PDS5A: variants seen among roughly 807,000 people sequenced by gnomAD.
PDS5A encodes the protein sister chromatid cohesion protein PDS5 homolog A.
Under a neutral mutation model 167.1 loss-of-function variants are expected in PDS5A, and 42 were observed. The observed-to-expected ratio is 0.25, with a 90% confidence interval of 0.20 to 0.33. The LOEUF is 0.33. PDS5A is among the 10% of genes least tolerant of loss of function. The pLI is 1.00. For synonymous variants in PDS5A, 553 were observed against 554.6 expected, an observed-to-expected ratio of 1.00 and a Z score of 0.04; for missense variants, 1,033 against 1,605.9, an observed-to-expected ratio of 0.64 and a Z score of 6.10.
rs910686598 is a variant in PDS5A at position 39,902,333 on chromosome 4, G to C, written c.1499+14C>G. 7.7e-6 allele frequency: 9 copies of C among 1,173,550 alleles called. No homozygotes were observed. Among genetic ancestry groups the C allele is most frequent in the Non-Finnish European group, 1.1e-5 (9 of 802,008 alleles). 72.7% of individuals were successfully genotyped at this position (1,173,550 alleles called of 1,614,324 possible). Reference sequence around the variant, plus strand: ...TCCTTAGAAAATACAGCAGTTATTTGAAAAGTAACTTACTTTACAGCATTT... The same window carrying C: ...TCCTTAGAAAATACAGCAGTTATTTCAAAAGTAACTTACTTTACAGCATTT... On this transcript the variant is annotated intron_variant, in intron 13 of 32. Coordinates refer to ENST00000303538, the MANE Select transcript of PDS5A (RefSeq NM_001100399.2).
At chr4:39,841,854 T>C in intron 31 of PDS5A, 94 bp downstream of exon 31, 2 of 677,442 alleles carry the variant, frequency 3.0e-6, no homozygotes, top group Non-Finnish European at 5.3e-6. Flanking sequence ...ATGTAGCATG[T>C]GCATTGAAGT....
At chr4:39,895,804 G>A (rs1005283324) in intron 16 of PDS5A, among the ~76,000 whole-genome samples, 3 of 151,382 alleles carry the variant, frequency 2.0e-5, no homozygotes, top group Non-Finnish European at 4.4e-5. Flanking sequence ...TACAAGCTCC[G>A]CCTCCCAGGT....
At chr4:39,910,198 T>C (rs374441976) in intron 10 of PDS5A, 46 bp downstream of exon 10, 13 of 949,062 alleles carry the variant, frequency 1.4e-5, no homozygotes, top group Non-Finnish European at 2.0e-5. Context: ...ATCTACAATA[T>C]AGTTGTATGG....
intron 2 of PDS5A, 100 bp downstream of exon 2, chr4:39,976,340 T>TA (rs1731078547): frequency 1.0e-6 from 1 of 973,880 alleles, no homozygotes; most frequent in Admixed American, 2.2e-5. Flanking sequence ...GTAAGAGATC[T>TA]AAAAAACTTG....
intron 2 of PDS5A, among the ~76,000 whole-genome samples, chr4:39,968,264 TA>T (rs1383861179): frequency 6.6e-6 from 1 of 151,802 alleles, no homozygotes; most frequent in Non-Finnish European, 1.5e-5. Flanking sequence ...CCTATAAGTG[TA>T]TTTTAAATGT....
chr4:39,885,262 A>AG (rs1402651114), intron 17 of PDS5A, among the ~76,000 whole-genome samples: 5 of 150,764 alleles, frequency 3.3e-5, no homozygotes, highest in African/African-American at 1.2e-4. Flanking sequence ...AAAAAAAAAA[A>AG]AAAGAAAGGA....
intron 7 of PDS5A, among the ~76,000 whole-genome samples, chr4:39,918,366 T>A (rs146975256): frequency 2.0e-5 from 3 of 146,680 alleles, no homozygotes; most frequent in African/African-American, 5.0e-5. Context: ...ATTTTTTTTT[T>A]AAATGCTAGA....
At chr4:39,879,972 C>A in intron 17 of PDS5A, 139 bp from the exon 18 acceptor site, 2 of 521,376 alleles carry the variant, frequency 3.8e-6, no homozygotes. Context: ...TCAACCTTGT[C>A]CTCTACTTGA....
intron 26 of PDS5A, among the ~76,000 whole-genome samples, chr4:39,852,524 C>A (rs1718204269): frequency 6.6e-6 from 1 of 152,098 alleles, no homozygotes; most frequent in African/African-American, 2.4e-5. Flanking sequence ...GCTCACTTCA[C>A]CTTTTTGCCG....
chr4:39,950,012 T>C (rs1578808158), intron 2 of PDS5A, among the ~76,000 whole-genome samples: 1 of 151,956 alleles, frequency 6.6e-6, no homozygotes, highest in Non-Finnish European at 1.5e-5. Flanking sequence ...TTTAAGTGAT[T>C]CTCCTGCCTC....
intron 11 of PDS5A, among the ~76,000 whole-genome samples, chr4:39,904,696 A>G (rs1053830742): frequency 6.6e-6 from 1 of 152,126 alleles, no homozygotes; most frequent in Non-Finnish European, 1.5e-5. Flanking sequence ...TAAATGATCT[A>G]CTTTTTTCTT....
At chr4:39,869,339 C>G (rs1719820960) in intron 22 of PDS5A, 55 bp downstream of exon 22, 2 of 1,034,562 alleles carry the variant, frequency 1.9e-6, no homozygotes, top group Non-Finnish European at 3.0e-6. Flanking sequence ...AGGAAGATAA[C>G]TACAAAATGT....
chr4:39,920,014 A>G (rs1272412911), intron 7 of PDS5A, among the ~76,000 whole-genome samples: 1 of 151,202 alleles, frequency 6.6e-6, no homozygotes, highest in African/African-American at 2.5e-5. Context: ...AAAAATATAT[A>G]GAGAGAGACA....
chr4:39,926,759 G>GT lies in PDS5A; in HGVS notation c.429+15dup, dbSNP rs78652598. 169,054 of 881,546 alleles carry GT rather than the reference G, an allele frequency of 0.19. 10 individuals carry two copies. The highest frequency in any genetic ancestry group is 0.22 in the East Asian group (5,144 of 23,470). The allele number at this position is 881,546 out of a possible 1,614,324, so 54.6% of individuals were successfully genotyped here. On this transcript the variant is annotated intron_variant, in intron 4 of 32. Transcript: ENST00000303538. ...TGAAATAATGTTAATAGTTATTAAA[G>GT]TTTTTTTTTTTTTACCTCTAATAAA...
chr4:39,863,188 A>G (rs1719142749), intron 24 of PDS5A, 115 bp from the exon 25 acceptor site: 1 of 937,064 alleles, frequency 1.1e-6, no homozygotes, highest in Non-Finnish European at 1.6e-6. Flanking sequence ...GAGAATAAAT[A>G]ATGTAATAAT....
At chr4:39,863,109 T>C (rs765515735) in intron 24 of PDS5A, 36 bp from the exon 25 acceptor site, 4 of 1,495,564 alleles carry the variant, frequency 2.7e-6, no homozygotes, top group Admixed American at 1.8e-5. Flanking sequence ...TTGGCAACCA[T>C]TTATTAAATA....
intron 2 of PDS5A, among the ~76,000 whole-genome samples, chr4:39,972,053 C>T (rs570180182): frequency 6.5e-4 from 99 of 152,220 alleles, no homozygotes; most frequent in African/African-American, 2.3e-3. Flanking sequence ...TTGATATGAA[C>T]GTCGATTTTA....
chr4:39,943,493 A>T (rs189525956), intron 2 of PDS5A, among the ~76,000 whole-genome samples: 65 of 151,946 alleles, frequency 4.3e-4, no homozygotes, highest in Non-Finnish European at 8.5e-4. Context: ...TATTTTAAAG[A>T]TCCATTCTGG....
At chr4:39,826,781 G>A (rs1460041208) in intron 32 of PDS5A, among the ~76,000 whole-genome samples, 2 of 151,928 alleles carry the variant, frequency 1.3e-5, no homozygotes, top group Non-Finnish European at 1.5e-5. Context: ...CACCACGCCC[G>A]GCCCATTCTA....
Sources: gnomAD v4.1 joint callset for allele counts (sites outside exome capture counted in the v4.1 genomes callset) on GRCh38, gnomAD v4.1.1 for gene constraint, MANE v1.5 for transcripts, NCBI Gene and HGNC (gene_info 2026-07-23, HGNC 2026-07-21) for gene names.